The following LDHC variants were observed in gnomAD, a reference collection of about 807,000 sequenced individuals.
LDHC encodes L-lactate dehydrogenase C chain.
LDHC carries 20 observed loss-of-function variants against 30.2 expected under a neutral mutation model. The ratio of observed to expected loss-of-function variants is 0.66; its 90% CI spans 0.47 to 0.96. The LOEUF (loss-of-function observed/expected upper bound fraction) is 0.96. Ranked by LOEUF, LDHC falls within the 40% of genes least tolerant of loss-of-function variation. The pLI is 0.00. For missense variants in LDHC, 362 were observed against 394.9 expected (o/e 0.92, Z 0.71); for synonymous variants, 139 against 132.7 (o/e 1.05, Z -0.32).
At chr11:18,435,098 C>T (rs1009672994) in intron 5 of LDHC, among the ~76,000 whole-genome samples, 185 bp downstream of exon 5, 2 of 152,116 alleles carry the variant, frequency 1.3e-5, no homozygotes, top group African/African-American at 4.8e-5. Flanking sequence ...AGCTATCTTT[C>T]ATAAAATAGT....
rs1013729101 is a variant in LDHC, at chr11:18,447,426, C to T, written c.834+1093C>T. ...CTGGGATTACAGGCGTGAGCCACCACGGCCTGTCGATTTCTCTATTTTTAG... is the reference window on the plus strand; with the variant it reads ...CTGGGATTACAGGCGTGAGCCACCATGGCCTGTCGATTTCTCTATTTTTAG... On this transcript the variant is annotated intron_variant, in intron 7 of 7. Transcript: ENST00000541669. 9.2e-5 allele frequency among the ~76,000 whole-genome samples: 14 copies of T among 152,208 alleles called. 1 individual carries two copies. In the Middle Eastern group the frequency reaches 0.01, roughly 111 times the overall value.
rs540801699 is a variant in LDHC at position 18,443,045 on chromosome 11, T to G, written c.711-3165T>G. ...CAATTTACCAAAATATCTTTTACTTTGAAAATCATTATTGGTATGTTTTAT... is the reference window on the plus strand; with the variant it reads ...CAATTTACCAAAATATCTTTTACTTGGAAAATCATTATTGGTATGTTTTAT... On this transcript the variant is annotated intron_variant, in intron 6 of 7. Coordinates refer to ENST00000541669, the MANE Select transcript of LDHC (RefSeq NM_017448.5). Among the ~76,000 whole-genome samples the G allele has an allele frequency of 7.9e-5, 12 of 152,358 alleles. No homozygotes were observed. The South Asian group carries it at 2.3e-3, about 29-fold the overall frequency.
chr11:18,415,821 T>C (rs1260955274), intron 3 of LDHC, among the ~76,000 whole-genome samples: 1 of 152,144 alleles, frequency 6.6e-6, no homozygotes, highest in Admixed American at 6.6e-5. Flanking sequence ...GTCTCCTGAA[T>C]AGCTGGGATT....
chr11:18,435,888 CTCTT>C (rs1229185597), intron 5 of LDHC, among the ~76,000 whole-genome samples: 1 of 152,190 alleles, frequency 6.6e-6, no homozygotes, highest in Non-Finnish European at 1.5e-5. Context: ...ACCAACCTCT[CTCTT>C]TACTGAATTT....
chr11:18,417,846 T>A (rs1867051380), intron 3 of LDHC, among the ~76,000 whole-genome samples: 1 of 151,360 alleles, frequency 6.6e-6, no homozygotes, highest in Admixed American at 6.6e-5. Flanking sequence ...TGTAGGAGGG[T>A]CGCATGAGGC....
At chr11:18,421,293 G>T (rs925085283) in intron 3 of LDHC, among the ~76,000 whole-genome samples, 8 of 151,922 alleles carry the variant, frequency 5.3e-5, no homozygotes, top group Non-Finnish European at 1.5e-5. Context: ...GACCTCAGGT[G>T]GTCTGCCCGC....
chr11:18,441,171 G>A (rs2133842349), intron 6 of LDHC, among the ~76,000 whole-genome samples: 1 of 151,762 alleles, frequency 6.6e-6, no homozygotes, highest in Admixed American at 6.6e-5. Context: ...AAAGTATATA[G>A]CCACGAATTG....
At chr11:18,438,128 G>A (rs928523240) in intron 5 of LDHC, among the ~76,000 whole-genome samples, 2 of 152,178 alleles carry the variant, frequency 1.3e-5, no homozygotes, top group South Asian at 4.1e-4. Context: ...TGCTTCTGCA[G>A]GTTGTACAGG....
intron 4 of LDHC, 72 bp from the exon 5 acceptor site, chr11:18,434,668 A>G (rs1383398675): frequency 1.3e-5 from 10 of 795,410 alleles, no homozygotes; most frequent in South Asian, 8.0e-5. Flanking sequence ...CAATTCATCT[A>G]TGTATTCAGG....
At chr11:18,442,660 C>CTTTT (rs34884188) in intron 6 of LDHC, among the ~76,000 whole-genome samples, 30 of 112,594 alleles carry the variant, frequency 2.7e-4, no homozygotes, top group Non-Finnish European at 3.3e-4. Context: ...TTCTCTCTCT[C>CTTTT]TTTTTTTTTT....
chr11:18,450,009 G>C (rs1481358180), intron 7 of LDHC: 1 of 151,670 alleles, frequency 6.6e-6, no homozygotes, highest in Admixed American at 6.6e-5. Flanking sequence ...TGAGTGGTAG[G>C]AGGCAGGGAA....
At chr11:18,434,275 T>A (rs956947285) in intron 4 of LDHC, among the ~76,000 whole-genome samples, 5 of 152,272 alleles carry the variant, frequency 3.3e-5, no homozygotes, top group African/African-American at 1.2e-4. Flanking sequence ...CCTCCCTGAT[T>A]AGCTTAATAG....
rs1031867973 is a variant in LDHC, at chr11:18,415,418, A to C, written c.244+117A>C. On this transcript the variant is annotated intron_variant, in intron 3 of 7. Transcript: ENST00000541669. Reference sequence around the variant, plus strand: ...TAGCACCATGCCATTGGGCCATATAATTTAATTTAGTTGATCAATTTTTTT... The same window carrying C: ...TAGCACCATGCCATTGGGCCATATACTTTAATTTAGTTGATCAATTTTTTT... 5 of 588,640 alleles carry C rather than the reference A, an allele frequency of 8.5e-6. No homozygotes were observed. The African/African-American group carries it at 9.4e-5, about 11-fold the overall frequency. The allele number at this position is 588,640 out of a possible 1,614,324, so 36.5% of individuals were successfully genotyped here.
chr11:18,443,451 T>TC (rs1459516084), intron 6 of LDHC, among the ~76,000 whole-genome samples: 1 of 135,110 alleles, frequency 7.4e-6, no homozygotes, highest in Non-Finnish European at 1.6e-5. Context: ...TTCTTTCTTT[T>TC]CTTTCTTTCT....
chr11:18,451,490 C>T lies in LDHC; in HGVS notation c.*363C>T, dbSNP rs1490673564. 1.3e-5 allele frequency: 2 copies of T among 154,754 alleles called. No homozygotes were observed. Among genetic ancestry groups the T allele is most frequent in the African/African-American group, 4.8e-5 (2 of 41,544 alleles). 9.6% of individuals were successfully genotyped at this position (154,754 alleles called of 1,614,324 possible). ...TCTAGTATTACAATTTTATCTTGTA[C>T]TTTCATCCGTTAGAGTACCAGCATA... On this transcript the variant is annotated 3_prime_UTR_variant, in exon 8 of 8. Coordinates refer to ENST00000541669, the MANE Select transcript of LDHC (RefSeq NM_017448.5).
At chr11:18,419,713 TAAAG>T (rs1217432888) in intron 3 of LDHC, among the ~76,000 whole-genome samples, 1 of 151,968 alleles carries the variant, frequency 6.6e-6, no homozygotes, top group Non-Finnish European at 1.5e-5. Context: ...ACATAAAAAA[TAAAG>T]AACAGACTTG....
At chr11:18,449,885 C>G (rs775845396) in intron 7 of LDHC, among the ~76,000 whole-genome samples, 12 of 152,174 alleles carry the variant, frequency 7.9e-5, no homozygotes, top group Non-Finnish European at 1.5e-4. Flanking sequence ...GGAGCCTCCC[C>G]TCTTCCTTCA....
At chr11:18,425,791 T>A (rs1439615694) in intron 3 of LDHC, among the ~76,000 whole-genome samples, 1 of 151,398 alleles carries the variant, frequency 6.6e-6, no homozygotes, top group Non-Finnish European at 1.5e-5. Context: ...TAAAAAAAAA[T>A]TAGCCAGGCG....
chr11:18,418,190 G>T (rs1465301656), intron 3 of LDHC, among the ~76,000 whole-genome samples: 1 of 149,498 alleles, frequency 6.7e-6, no homozygotes, highest in East Asian at 1.9e-4. Context: ...CTTTCACACT[G>T]GTATTTAGTG....
Sources: gnomAD v4.1 joint callset for allele counts (sites outside exome capture counted in the v4.1 genomes callset) on GRCh38, gnomAD v4.1.1 for gene constraint, MANE v1.5 for transcripts, NCBI Gene and HGNC (gene_info 2026-07-23, HGNC 2026-07-21) for gene names.